PDE5A: variants seen among roughly 807,000 people sequenced by gnomAD.
The protein encoded by PDE5A is cGMP-specific 3',5'-cyclic phosphodiesterase.
A neutral mutation model predicts 110.2 loss-of-function variants in PDE5A; 67 were observed. The observed-to-expected ratio is 0.61, with a 90% confidence interval of 0.50 to 0.75. The LOEUF (loss-of-function observed/expected upper bound fraction) is 0.75, where lower values mean the gene tolerates loss of function less well. Among genes scored for constraint, PDE5A ranks in the 30% least tolerant of loss-of-function variants. The pLI, the probability that PDE5A is intolerant of heterozygous loss-of-function variation, is 0.00. For synonymous variants in PDE5A, 328 were observed against 351.2 expected (o/e 0.93, Z 0.74); for missense variants, 862 against 1,045.1 (o/e 0.82, Z 2.42).
intron 3 of PDE5A, among the ~76,000 whole-genome samples, chr4:119,572,876 T>C (rs575566015): frequency 1.3e-5 from 2 of 152,312 alleles, no homozygotes; most frequent in South Asian, 2.1e-4. Flanking sequence ...TAAGATAAAA[T>C]TAAATTGGAC....
intron 9 of PDE5A, among the ~76,000 whole-genome samples, chr4:119,550,640 C>T (rs1727317631): frequency 6.6e-6 from 1 of 152,154 alleles, no homozygotes; most frequent in Admixed American, 6.5e-5. Flanking sequence ...AGAAATGTTG[C>T]TGGGGAAAAG....
At chr4:119,613,093 T>C (rs1729813187) in intron 1 of PDE5A, among the ~76,000 whole-genome samples, 1 of 152,294 alleles carries the variant, frequency 6.6e-6, no homozygotes, top group Admixed American at 6.5e-5. Context: ...TTCAAAAAAC[T>C]AGTTTAGGGA....
intron 3 of PDE5A, among the ~76,000 whole-genome samples, chr4:119,586,324 T>C (rs10021318): frequency 0.015 from 2,287 of 152,304 alleles, 59 homozygotes; most frequent in African/African-American, 0.052. Flanking sequence ...TTAATTTCCA[T>C]TCTATGATCA....
At position 119,521,692 on chromosome 4, in the gene PDE5A, TA is replaced by T. The variant is rs376634446; in HGVS notation, c.1780-633del. Among the ~76,000 whole-genome samples the T allele has an allele frequency of 1.6e-3, 233 of 149,046 alleles. 1 individual carries two copies. The highest frequency in any genetic ancestry group is 7.0e-3 in the Middle Eastern group (2 of 286). On this transcript the variant is annotated intron_variant, in intron 12 of 20. Transcript: ENST00000354960. Reference sequence around the variant, plus strand: ...TACTGCCTGGTTACAAAGAAGTAATTAAAAAAAAAATGTGCCAAATAAAGCC... The same window carrying T: ...TACTGCCTGGTTACAAAGAAGTAATTAAAAAAAAATGTGCCAAATAAAGCC...
chr4:119,544,174 C>T (rs1234445876), intron 9 of PDE5A, among the ~76,000 whole-genome samples: 1 of 152,084 alleles, frequency 6.6e-6, no homozygotes, highest in East Asian at 1.9e-4. Flanking sequence ...CCTTTACCAC[C>T]ATCAATGTTC....
At chr4:119,617,370 A>G (rs931088650) in intron 1 of PDE5A, among the ~76,000 whole-genome samples, 2 of 151,118 alleles carry the variant, frequency 1.3e-5, no homozygotes, top group Non-Finnish European at 3.0e-5. Context: ...CTAAAGGGAC[A>G]CACACACACA....
chr4:119,566,148 A>G (rs999433192), intron 4 of PDE5A, among the ~76,000 whole-genome samples: 5 of 152,078 alleles, frequency 3.3e-5, no homozygotes, highest in African/African-American at 1.2e-4. Flanking sequence ...TTTTCACACC[A>G]AATATTCTCA....
intron 1 of PDE5A, 40 bp downstream of exon 1, chr4:119,628,480 G>T: frequency 6.7e-7 from 1 of 1,488,244 alleles, no homozygotes; most frequent in Non-Finnish European, 9.1e-7. Flanking sequence ...CAACAGGGGA[G>T]AGAAATCAGC....
At chr4:119,604,007 C>T (rs1037241076) in intron 2 of PDE5A, among the ~76,000 whole-genome samples, 1 of 152,132 alleles carries the variant, frequency 6.6e-6, no homozygotes, top group African/African-American at 2.4e-5. Context: ...ACTTCCACTG[C>T]TAATATCAAT....
At chr4:119,502,926 A>AT (rs1174329498) in intron 18 of PDE5A, among the ~76,000 whole-genome samples, 65 of 152,148 alleles carry the variant, frequency 4.3e-4, no homozygotes, top group African/African-American at 1.5e-3. Context: ...TTCTTCATTT[A>AT]TTTTCTCCCC....
intron 3 of PDE5A, among the ~76,000 whole-genome samples, chr4:119,570,881 TA>T (rs1728117898): frequency 6.6e-6 from 1 of 152,160 alleles, no homozygotes; most frequent in African/African-American, 2.4e-5. Context: ...CTAAGAAAAC[TA>T]GAACTTAACA....
At chr4:119,528,038 A>G (rs1726389600) in intron 11 of PDE5A, among the ~76,000 whole-genome samples, 1 of 138,206 alleles carries the variant, frequency 7.2e-6, no homozygotes, top group East Asian at 2.2e-4. Context: ...TGTCAAATTA[A>G]CCAAATATGG....
intron 10 of PDE5A, 32 bp from the exon 11 acceptor site, chr4:119,539,051 C>CA (rs757613852): frequency 1.5e-5 from 22 of 1,515,004 alleles, no homozygotes; most frequent in Non-Finnish European, 1.5e-5. Context: ...CCAGGTTACA[C>CA]AGGAGAGAAC....
intron 2 of PDE5A, among the ~76,000 whole-genome samples, chr4:119,602,797 G>T (rs1729390149): frequency 6.6e-6 from 1 of 152,230 alleles, no homozygotes; most frequent in African/African-American, 2.4e-5. Context: ...GAAAGGGAAA[G>T]ATGAAGTGGG....
Position 119,502,625 on chromosome 4 carries a change from C to CA in PDE5A, c.2361dup (p.Asp788Ter). On this transcript the variant is annotated frameshift_variant, in exon 19 of 21. Coordinates refer to ENST00000354960, the MANE Select transcript of PDE5A (RefSeq NM_001083.4). LOFTEE classifies it high-confidence loss of function. ...TCTTTTCTCTCTCTGTCTCCTTGAT[C>CA]AAAAAATTCAGTTGCTACAAGTTCT... is the stretch of plus-strand genomic sequence containing the variant. 6.2e-7 allele frequency: 1 copy of CA among 1,607,476 alleles called. No homozygotes were observed. The highest frequency in any genetic ancestry group is 1.1e-5 in the South Asian group (1 of 90,864).
intron 15 of PDE5A, among the ~76,000 whole-genome samples, chr4:119,509,104 A>G (rs1725654657): frequency 6.6e-6 from 1 of 152,068 alleles, no homozygotes; most frequent in South Asian, 2.1e-4. Context: ...TGACATATAC[A>G]TTCCTGAGAA....
At chr4:119,619,884 T>G (rs1323445272) in intron 1 of PDE5A, among the ~76,000 whole-genome samples, 1 of 152,262 alleles carries the variant, frequency 6.6e-6, no homozygotes, top group Admixed American at 6.5e-5. Context: ...AGCCTAAGGC[T>G]GTCCTATCTA....
chr4:119,499,731 T>G (rs920565669), intron 20 of PDE5A: 6 of 151,954 alleles, frequency 3.9e-5, no homozygotes, highest in African/African-American at 1.2e-4. Context: ...AATTTTTCTG[T>G]TTTTTTGTAG....
At chr4:119,541,116 T>G (rs1386345737) in intron 10 of PDE5A, among the ~76,000 whole-genome samples, 2 of 152,026 alleles carry the variant, frequency 1.3e-5, no homozygotes, top group African/African-American at 4.8e-5. Context: ...ATAATGGTCA[T>G]GGGTTGATAA....
Sources: allele counts gnomAD v4.1 joint callset (sites outside exome capture counted in the v4.1 genomes callset), GRCh38; gene constraint gnomAD v4.1.1; transcripts MANE v1.5; gene names NCBI Gene and HGNC (gene_info 2026-07-23, HGNC 2026-07-21).